HSD17B11: variants seen among roughly 807,000 people sequenced by gnomAD.
The protein encoded by HSD17B11 is hydroxysteroid 17-beta dehydrogenase 11.
In HSD17B11, 22 loss-of-function variants were observed where a neutral mutation model predicts 27.8. That is an observed-to-expected ratio of 0.79 (90% CI 0.56 to 1.13). The LOEUF (loss-of-function observed/expected upper bound fraction) is 1.13, where lower values mean the gene tolerates loss of function less well. Among genes scored for constraint, HSD17B11 ranks in the 50% most tolerant of loss-of-function variants. The pLI is 0.00. For missense variants in HSD17B11, 314 were observed against 351.1 expected, an observed-to-expected ratio of 0.89 and a Z score of 0.84; for synonymous variants, 117 against 132.8, an observed-to-expected ratio of 0.88 and a Z score of 0.82.
intron 4 of HSD17B11, among the ~76,000 whole-genome samples, chr4:87,360,854 AGTG>A (rs1217143778): frequency 6.6e-6 from 1 of 152,256 alleles, no homozygotes; most frequent in East Asian, 1.9e-4. Context: ...ACGTATGTGC[AGTG>A]GTATCCCACG....
chr4:87,364,730 G>A (rs1268451096), intron 4 of HSD17B11, among the ~76,000 whole-genome samples: 3 of 152,232 alleles, frequency 2.0e-5, no homozygotes, highest in Non-Finnish European at 4.4e-5. Context: ...TGGGGATCCA[G>A]GATCCAGTAT....
intron 2 of HSD17B11, among the ~76,000 whole-genome samples, 174 bp downstream of exon 2, chr4:87,382,081 T>C (rs867099643): frequency 2.0e-5 from 3 of 152,204 alleles, no homozygotes; most frequent in Admixed American, 1.3e-4. Context: ...TACTAATATT[T>C]GAGAGGTTCA....
At chr4:87,374,418 A>C (rs755527707) in intron 3 of HSD17B11, 63 of 232,748 alleles carry the variant, frequency 2.7e-4, no homozygotes, top group Non-Finnish European at 4.4e-4. Context: ...TTTATCTCTA[A>C]ATAGGATCAC....
chr4:87,365,287 AT>A (rs1256192273), intron 4 of HSD17B11, among the ~76,000 whole-genome samples: 3 of 152,214 alleles, frequency 2.0e-5, no homozygotes, highest in African/African-American at 7.2e-5. Flanking sequence ...GTGCGTAAAT[AT>A]TTTTTCAGAA....
intron 2 of HSD17B11, among the ~76,000 whole-genome samples, chr4:87,375,572 T>C (rs958522609): frequency 2.0e-5 from 3 of 152,136 alleles, no homozygotes; most frequent in Non-Finnish European, 4.4e-5. Flanking sequence ...AGAAACCCTG[T>C]CTCTACTAAA....
chr4:87,365,358 A>G (rs1334000369), intron 4 of HSD17B11, among the ~76,000 whole-genome samples: 2 of 152,252 alleles, frequency 1.3e-5, no homozygotes, highest in African/African-American at 4.8e-5. Flanking sequence ...AAATAAAGAC[A>G]GTTTTAAAGT....
intron 5 of HSD17B11, among the ~76,000 whole-genome samples, chr4:87,354,865 C>A (rs1735352319): frequency 6.7e-6 from 1 of 148,324 alleles, no homozygotes; most frequent in African/African-American, 2.5e-5. Context: ...ATAATCTTGG[C>A]ACTTTGGGAG....
At chr4:87,344,512 G>T (rs1194943646) in intron 5 of HSD17B11, among the ~76,000 whole-genome samples, 2 of 152,194 alleles carry the variant, frequency 1.3e-5, no homozygotes, top group Admixed American at 6.5e-5. Context: ...AAACCTGTCA[G>T]AATTAAAGGG....
At chr4:87,344,760 T>C (rs1406660023) in intron 5 of HSD17B11, among the ~76,000 whole-genome samples, 2 of 151,998 alleles carry the variant, frequency 1.3e-5, no homozygotes, top group Admixed American at 6.6e-5. Context: ...ACAAAGCAAA[T>C]CTCAATATGT....
intron 5 of HSD17B11, among the ~76,000 whole-genome samples, chr4:87,346,572 T>A (rs1167475027): frequency 6.6e-6 from 1 of 152,014 alleles, no homozygotes; most frequent in African/African-American, 2.4e-5. Flanking sequence ...ATCGCTTGAA[T>A]CTGGGAGGTG....
intron 1 of HSD17B11, among the ~76,000 whole-genome samples, chr4:87,384,530 T>A (rs1341389461): frequency 6.6e-6 from 1 of 152,126 alleles, no homozygotes; most frequent in Non-Finnish European, 1.5e-5. Flanking sequence ...ATTCTTTTCC[T>A]AGCAAGGAAT....
At chr4:87,352,729 G>A (rs9307030) in intron 5 of HSD17B11, among the ~76,000 whole-genome samples, 2 of 2,468 alleles carry the variant, frequency 8.1e-4, no homozygotes, top group South Asian at 4.5e-3. Flanking sequence ...CCTCGTTGCC[G>A]CCTTGCAGTT....
intron 4 of HSD17B11, among the ~76,000 whole-genome samples, chr4:87,359,748 G>A (rs1465292055): frequency 1.3e-5 from 2 of 152,138 alleles, no homozygotes; most frequent in Admixed American, 6.5e-5. Context: ...GGAAACTGAG[G>A]TAAAGATGGG....
intron 1 of HSD17B11, among the ~76,000 whole-genome samples, chr4:87,388,456 T>C (rs1447210465): frequency 6.6e-6 from 1 of 152,152 alleles, no homozygotes; most frequent in African/African-American, 2.4e-5. Context: ...CTTCCCTCAG[T>C]CTATGCCAGG....
intron 2 of HSD17B11, among the ~76,000 whole-genome samples, chr4:87,377,869 T>C (rs909497093): frequency 6.6e-6 from 1 of 152,212 alleles, no homozygotes; most frequent in African/African-American, 2.4e-5. Flanking sequence ...TGCATTTACA[T>C]GATTTCATTA....
intron 2 of HSD17B11, among the ~76,000 whole-genome samples, chr4:87,378,948 T>TTA (rs1491015421): frequency 6.3e-5 from 1 of 15,866 alleles, no homozygotes; most frequent in African/African-American, 5.0e-4. Context: ...ATATATATAT[T>TTA]TATATATATA....
At chr4:87,352,979 T>C (rs1371131116) in intron 5 of HSD17B11, among the ~76,000 whole-genome samples, 2 of 102,780 alleles carry the variant, frequency 1.9e-5, no homozygotes, top group Non-Finnish European at 3.8e-5. Context: ...CTGCTTCGGC[T>C]CGCGCACGGT....
chr4:87,381,186 C>CCAAAAAAAA, intron 2 of HSD17B11, among the ~76,000 whole-genome samples: 1 of 114,306 alleles, frequency 8.7e-6, no homozygotes, highest in Non-Finnish European at 1.8e-5. Context: ...GACTCCATTT[C>CCAAAAAAAA]AAAAAAAAAA....
chr4:87,364,296 C>A (rs7685308), intron 4 of HSD17B11, among the ~76,000 whole-genome samples: 52,685 of 149,304 alleles, frequency 0.35, 10,193 homozygotes, highest in African/African-American at 0.53. Flanking sequence ...AGAAAAAAAA[C>A]CCCTCTGTTT....
Sources: allele counts gnomAD v4.1 joint callset (sites outside exome capture counted in the v4.1 genomes callset), GRCh38; gene constraint gnomAD v4.1.1; transcripts MANE v1.5; gene names NCBI Gene and HGNC (gene_info 2026-07-23, HGNC 2026-07-21).